CACNA2D1: variants seen among roughly 807,000 people sequenced by gnomAD.
CACNA2D1 encodes voltage-dependent calcium channel subunit alpha-2/delta-1.
In CACNA2D1, 53 loss-of-function variants were observed where a neutral mutation model predicts 171.5. That is an observed-to-expected ratio of 0.31 (90% CI 0.25 to 0.39). The LOEUF (loss-of-function observed/expected upper bound fraction) is 0.39, where lower values mean the gene tolerates loss of function less well. Ranked by LOEUF, CACNA2D1 falls within the 10% of genes least tolerant of loss-of-function variation. CACNA2D1 has a pLI of 1.00. For missense variants in CACNA2D1, 903 were observed against 1,299.8 expected (o/e 0.69, Z 4.69); for synonymous variants, 442 against 443.1 (o/e 1.00, Z 0.03).
At chr7:82,326,680 C>A (rs1246750325) in intron 3 of CACNA2D1, among the ~76,000 whole-genome samples, 1 of 109,442 alleles carries the variant, frequency 9.1e-6, no homozygotes, top group Non-Finnish European at 2.3e-5. Flanking sequence ...TGTTTTTACC[C>A]AGAACACTTA....
intron 6 of CACNA2D1, among the ~76,000 whole-genome samples, chr7:82,098,792 A>G (rs939838734): frequency 5.9e-5 from 9 of 152,208 alleles, no homozygotes; most frequent in Non-Finnish European, 1.3e-4. Flanking sequence ...TTAAAACTGC[A>G]TCAGAACTCA....
chr7:82,223,051 A>G lies in CACNA2D1; in HGVS notation c.295-52442T>C, dbSNP rs1034617823. On this transcript the variant is annotated intron_variant, in intron 3 of 38. Coordinates refer to ENST00000356860, the MANE Select transcript of CACNA2D1 (RefSeq NM_000722.4). The stretch of plus-strand genomic sequence containing the variant: ...CCTCAGTAACTGGGATTACAGGCAC[A>G]TGTCACCACACCCAGCTAATTTTTT... Among the ~76,000 whole-genome samples, 5 of 151,704 alleles carry G rather than the reference A, an allele frequency of 3.3e-5. No homozygotes were observed. The East Asian group carries it at 9.7e-4, about 29-fold the overall frequency.
chr7:82,160,577 C>T (rs1794843824), intron 4 of CACNA2D1, among the ~76,000 whole-genome samples: 1 of 151,958 alleles, frequency 6.6e-6, no homozygotes, highest in African/African-American at 2.4e-5. Flanking sequence ...GTAGCACAAT[C>T]ACTGCTCACG....
At chr7:82,016,386 T>A (rs868186000) in intron 12 of CACNA2D1, among the ~76,000 whole-genome samples, 12 of 152,152 alleles carry the variant, frequency 7.9e-5, no homozygotes, top group African/African-American at 2.7e-4. Flanking sequence ...AACGGAAGCA[T>A]GGCTTTGCCT....
At chr7:82,391,127 G>T (rs948917027) in intron 1 of CACNA2D1, among the ~76,000 whole-genome samples, 1 of 152,082 alleles carries the variant, frequency 6.6e-6, no homozygotes, top group South Asian at 2.1e-4. Context: ...TCTGCTGTTT[G>T]TACTGTACTT....
In CACNA2D1 at chr7:82,066,477, A is replaced by G; in HGVS notation, c.706T>C (p.Tyr236His). The change falls in exon 8 of 39, where the codon TAT (tyrosine) becomes CAT (histidine). Residue 236 changes from tyrosine (Y) to histidine (H), a missense_variant. Physicochemically the swap from Tyr to His is moderately conservative, Grantham distance 83. Around this residue, in one of 5 missense-constraint regions of CACNA2D1, gnomAD observed 189 missense variants for 266.8 expected, o/e 0.71. Transcript: ENST00000356860. ...TACCATGGTCTTCTGCGTACATCAT[A>G]AAGGTCAATCTTATTTGGAGTTCTA... ...NSRTPNKIDL[Y>H]DVRRRPWYIQ... 1.2e-6 allele frequency: 2 copies of G among 1,611,304 alleles called. No individual in the cohort carries two copies. The highest frequency in any genetic ancestry group is 1.7e-6 in the Non-Finnish European group (2 of 1,178,852).
intron 3 of CACNA2D1, among the ~76,000 whole-genome samples, chr7:82,259,994 G>T (rs1229719977): frequency 6.6e-6 from 1 of 152,086 alleles, no homozygotes; most frequent in Non-Finnish European, 1.5e-5. Flanking sequence ...AGGCTGAGGC[G>T]AGTAAACCAC....
chr7:82,204,787 G>A (rs1799839653), intron 3 of CACNA2D1, among the ~76,000 whole-genome samples: 2 of 152,158 alleles, frequency 1.3e-5, no homozygotes, highest in South Asian at 2.1e-4. Flanking sequence ...TCAGACCTGT[G>A]TGTCCAAGGC....
At chr7:82,139,945 C>CTATTATTATTATTATTAT (rs4018980) in intron 4 of CACNA2D1, among the ~76,000 whole-genome samples, 124 of 142,954 alleles carry the variant, frequency 8.7e-4, no homozygotes, top group East Asian at 3.7e-3. Flanking sequence ...ACACACCTGG[C>CTATTATTATTATTATTAT]TATTATTATT....
chr7:82,039,430 A>G (rs1317975272), intron 10 of CACNA2D1, among the ~76,000 whole-genome samples: 1 of 152,204 alleles, frequency 6.6e-6, no homozygotes, highest in Non-Finnish European at 1.5e-5. Context: ...ATAAATATAT[A>G]AACAGTTATA....
At chr7:82,219,585 C>A (rs1801534082) in intron 3 of CACNA2D1, among the ~76,000 whole-genome samples, 1 of 151,942 alleles carries the variant, frequency 6.6e-6, no homozygotes, top group Non-Finnish European at 1.5e-5. Flanking sequence ...TGTGTTTTAA[C>A]CATTTTAGAA....
At chr7:82,342,731 C>T (rs1386130885) in intron 2 of CACNA2D1, among the ~76,000 whole-genome samples, 1 of 151,984 alleles carries the variant, frequency 6.6e-6, no homozygotes, top group Non-Finnish European at 1.5e-5. Flanking sequence ...GAAACTACAG[C>T]CACGTTTTGG....
chr7:82,253,385 A>C (rs1185125892), intron 3 of CACNA2D1, among the ~76,000 whole-genome samples: 1 of 152,208 alleles, frequency 6.6e-6, no homozygotes, highest in Non-Finnish European at 1.5e-5. Flanking sequence ...TTTTACTGAA[A>C]AGGAGATCCA....
At chr7:82,377,250 T>C (rs375663999) in intron 1 of CACNA2D1, among the ~76,000 whole-genome samples, 2 of 152,322 alleles carry the variant, frequency 1.3e-5, no homozygotes, top group East Asian at 1.9e-4. Flanking sequence ...ATTCCAGTTA[T>C]TGATTAAAGC....
At chr7:82,377,946 G>C (rs1329634715) in intron 1 of CACNA2D1, among the ~76,000 whole-genome samples, 13 of 152,184 alleles carry the variant, frequency 8.5e-5, no homozygotes, top group Admixed American at 8.5e-4. Flanking sequence ...TCCAGAGTCA[G>C]AACTGGGATT....
At chr7:82,153,597 A>AT (rs1794067670) in intron 4 of CACNA2D1, among the ~76,000 whole-genome samples, 1 of 152,104 alleles carries the variant, frequency 6.6e-6, no homozygotes. Flanking sequence ...TATATAATAT[A>AT]AATTTATTTG....
intron 1 of CACNA2D1, among the ~76,000 whole-genome samples, chr7:82,436,083 C>T (rs1158122291): frequency 6.6e-6 from 1 of 152,088 alleles, no homozygotes; most frequent in African/African-American, 2.4e-5. Context: ...GACTCTCTTC[C>T]CTCAGTTTGT....
intron 1 of CACNA2D1, among the ~76,000 whole-genome samples, chr7:82,385,730 T>C (rs574852599): frequency 1.3e-5 from 2 of 152,128 alleles, no homozygotes; most frequent in Non-Finnish European, 2.9e-5. Context: ...AGTGGTGCAA[T>C]CTCGGCTCAC....
intron 1 of CACNA2D1, among the ~76,000 whole-genome samples, chr7:82,372,765 C>T (rs1025083525): frequency 5.3e-5 from 8 of 152,112 alleles, no homozygotes; most frequent in African/African-American, 1.9e-4. Context: ...GAAGGACTTG[C>T]AAAGAATCTA....
Sources: gnomAD v4.1 joint callset for allele counts (sites outside exome capture counted in the v4.1 genomes callset) on GRCh38, gnomAD v4.1.1 for gene constraint, gnomAD v4.1.1 regional missense constraint, MANE v1.5 for transcripts, NCBI Gene and HGNC (gene_info 2026-07-23, HGNC 2026-07-21) for gene names.